MCTP2: variants seen among roughly 807,000 people sequenced by gnomAD.
MCTP2 encodes multiple C2 and transmembrane domain containing 2.
A neutral mutation model predicts 111.6 loss-of-function variants in MCTP2; 132 were observed. The ratio of observed to expected loss-of-function variants is 1.18; its 90% CI spans 1.03 to 1.37. The LOEUF is 1.37. Ranked by LOEUF, MCTP2 falls within the 40% of genes most tolerant of loss-of-function variation. MCTP2 has a pLI of 0.00. For missense variants in MCTP2, 1,183 were observed against 1,067.9 expected (o/e 1.11, Z -1.50); for synonymous variants, 395 against 387.7 (o/e 1.02, Z -0.22).
intron 1 of MCTP2, among the ~76,000 whole-genome samples, chr15:94,257,461 C>T (rs574610453): frequency 6.6e-6 from 1 of 151,018 alleles, no homozygotes; most frequent in South Asian, 2.1e-4. Context: ...CGTGTGGTAA[C>T]AGTGGTGTAT....
At chr15:94,385,358 A>G (rs2080396413) in intron 13 of MCTP2, 65 bp from the exon 14 acceptor site, 2 of 1,085,306 alleles carry the variant, frequency 1.8e-6, no homozygotes, top group East Asian at 2.4e-5. Context: ...CAGTGTTTCC[A>G]GATCTTCATG....
At chr15:94,463,135 C>T (rs1220587623) in intron 20 of MCTP2, among the ~76,000 whole-genome samples, 1 of 152,192 alleles carries the variant, frequency 6.6e-6, no homozygotes, top group Non-Finnish European at 1.5e-5. Context: ...ACACCATACA[C>T]TTGTGCACAC....
chr15:94,429,129 C>G (rs1445024383), intron 17 of MCTP2, among the ~76,000 whole-genome samples: 1 of 150,730 alleles, frequency 6.6e-6, no homozygotes, highest in African/African-American at 2.4e-5. Context: ...CTATATCTAT[C>G]CCCCTACCGA....
intron 4 of MCTP2, among the ~76,000 whole-genome samples, chr15:94,322,694 A>C (rs763841863): frequency 2.6e-5 from 4 of 152,240 alleles, no homozygotes; most frequent in African/African-American, 9.6e-5. Flanking sequence ...TTAGGCAGTC[A>C]TCAAGAGTTG....
intron 18 of MCTP2, among the ~76,000 whole-genome samples, chr15:94,441,506 A>T (rs1409630979): frequency 6.6e-6 from 1 of 152,194 alleles, no homozygotes; most frequent in African/African-American, 2.4e-5. Context: ...TGTTTATAGT[A>T]TGTGCATATG....
chr15:94,455,625 C>CCATGTTGGT (rs977790919), intron 19 of MCTP2, among the ~76,000 whole-genome samples: 1 of 140,720 alleles, frequency 7.1e-6, no homozygotes, highest in African/African-American at 3.2e-5. Context: ...CTGGGCTTCA[C>CCATGTTGGT]CATGTTGGTC....
At chr15:94,294,470 G>T (rs934308755) in intron 1 of MCTP2, among the ~76,000 whole-genome samples, 4 of 152,078 alleles carry the variant, frequency 2.6e-5, no homozygotes, top group African/African-American at 9.7e-5. Flanking sequence ...AATTTCTCTT[G>T]AATATATTAT....
In MCTP2 at chr15:94,384,050, G is replaced by A. The variant is rs567191161; in HGVS notation, c.1611G>A (p.Glu537=). ...SGKSDPFCLL[E]LGNDRLQTHT... ...AGAGTGACCCATTTTGCTTGTTGGA[G>A]TTAGGCAATGACCGACTTCAGACGC... The change falls in exon 13 of 23, where the codon GAG becomes GAA. Residue 537 remains glutamate (E), a synonymous_variant. Coordinates refer to ENST00000357742, the MANE Select transcript of MCTP2 (RefSeq NM_001385001.1). 3 of 1,613,832 alleles carry A rather than the reference G, an allele frequency of 1.9e-6. No homozygotes were observed. Among genetic ancestry groups the A allele is most frequent in the Non-Finnish European group, 2.5e-6 (3 of 1,179,828 alleles).
intron 16 of MCTP2, among the ~76,000 whole-genome samples, chr15:94,400,290 C>G (rs531179501): frequency 6.6e-6 from 1 of 152,254 alleles, no homozygotes; most frequent in East Asian, 1.9e-4. Flanking sequence ...TTCCTAGCAT[C>G]AAGACTGTCA....
intron 19 of MCTP2, 34 bp from the exon 20 acceptor site, chr15:94,458,101 AGT>A (rs1428992543): frequency 4.3e-6 from 5 of 1,149,504 alleles, no homozygotes; most frequent in African/African-American, 1.5e-5. Context: ...TAAAAAATGA[AGT>A]AACTGAGTTA....
chr15:94,468,880 G>A (rs930506914), intron 20 of MCTP2, among the ~76,000 whole-genome samples: 7 of 152,034 alleles, frequency 4.6e-5, no homozygotes, highest in South Asian at 2.1e-4. Context: ...TGCCCACCTC[G>A]GCCTCCCAAA....
At chr15:94,379,686 A>C (rs28488735) in intron 12 of MCTP2, among the ~76,000 whole-genome samples, 10,121 of 148,418 alleles carry the variant, frequency 0.068, 1,158 homozygotes, top group African/African-American at 0.24. Flanking sequence ...TCTCATATAT[A>C]TACAAAATGT....
intron 1 of MCTP2, among the ~76,000 whole-genome samples, chr15:94,290,758 A>G (rs192627326): frequency 3.3e-5 from 5 of 152,378 alleles, no homozygotes; most frequent in African/African-American, 4.8e-5. Context: ...TAGCATGGCT[A>G]TGTTAAAATC....
At chr15:94,268,358 T>G in intron 1 of MCTP2, among the ~76,000 whole-genome samples, 1 of 151,156 alleles carries the variant, frequency 6.6e-6, no homozygotes, top group Admixed American at 6.6e-5. Flanking sequence ...TTTTTTTTTT[T>G]TTTTGTATTT....
rs147064655 is a variant in MCTP2, at chr15:94,483,489, G to A, written c.*4455G>A. 384 of 152,320 alleles carry A rather than the reference G, an allele frequency of 2.5e-3. 1 individual carries two copies. The highest frequency in any genetic ancestry group is 8.7e-3 in the African/African-American group (360 of 41,574). 9.4% of individuals were successfully genotyped at this position (152,320 alleles called of 1,614,324 possible). On this transcript the variant is annotated 3_prime_UTR_variant, in exon 23 of 23. Transcript: ENST00000357742. ...CATTGATAGAATGGATAAAGAAAAT[G>A]TGGTAGAGGTACACCATGGAATACT...
At chr15:94,249,971 A>G (rs950097164) in intron 1 of MCTP2, among the ~76,000 whole-genome samples, 2 of 152,132 alleles carry the variant, frequency 1.3e-5, no homozygotes, top group Admixed American at 1.3e-4. Flanking sequence ...ATTACAAAAC[A>G]TTATGTCAAT....
chr15:94,249,775 G>A lies in MCTP2; in HGVS notation c.-66+18111G>A, dbSNP rs145251187. Reference sequence around the variant, plus strand: ...GCTGGGATTACAGGCATGAGCCACCGTGCCTGGCCAGAATCTTTTTTTTAA... The same window carrying A: ...GCTGGGATTACAGGCATGAGCCACCATGCCTGGCCAGAATCTTTTTTTTAA... On this transcript the variant is annotated intron_variant, in intron 1 of 22. Coordinates refer to ENST00000357742, the MANE Select transcript of MCTP2 (RefSeq NM_001385001.1). 6.5e-3 allele frequency among the ~76,000 whole-genome samples: 995 copies of A among 152,092 alleles called. 8 individuals carry two copies. Among genetic ancestry groups the A allele is most frequent in the African/African-American group, 0.022 (912 of 41,484 alleles).
intron 7 of MCTP2, chr15:94,342,680 AT>A (rs1466781220): frequency 6.6e-6 from 1 of 151,528 alleles, no homozygotes; most frequent in Admixed American, 6.6e-5. Context: ...ATACACATAT[AT>A]TTATCTCCAT....
chr15:94,437,673 C>G (rs964755798), intron 17 of MCTP2, among the ~76,000 whole-genome samples: 8 of 151,718 alleles, frequency 5.3e-5, no homozygotes, highest in African/African-American at 1.9e-4. Context: ...AAAAAATATC[C>G]AAGATCATTT....
Sources: gnomAD v4.1 joint callset for allele counts (sites outside exome capture counted in the v4.1 genomes callset) on GRCh38, gnomAD v4.1.1 for gene constraint, MANE v1.5 for transcripts, NCBI Gene and HGNC (gene_info 2026-07-23, HGNC 2026-07-21) for gene names.